The following HSPG2 variants were observed in gnomAD, a reference collection of about 807,000 sequenced individuals.
HSPG2 encodes basement membrane-specific heparan sulfate proteoglycan core protein.
A neutral mutation model predicts 526.6 loss-of-function variants in HSPG2; 278 were observed. That is an observed-to-expected ratio of 0.53 (90% confidence interval 0.48 to 0.58). HSPG2 has a LOEUF of 0.58. Among genes scored for constraint, HSPG2 ranks in the 20% least tolerant of loss-of-function variants. The probability of loss-of-function intolerance (pLI) is 0.00; values close to 1 mark genes in which losing one functional copy is unlikely to be tolerated. For synonymous variants in HSPG2, 2,465 were observed against 2,555.4 expected (o/e 0.96, Z 1.07); for missense variants, 5,354 against 6,099.5 (o/e 0.88, Z 4.07).
chr1:21,832,775 C>T, intron 80 of HSPG2, 169 bp from the exon 81 acceptor site: 4 of 619,658 alleles, frequency 6.5e-6, no homozygotes, highest in Non-Finnish European at 1.2e-5. Context: ...GGCTGGTGCC[C>T]CAAACGCAAG....
chr1:21,937,207 C>T lies in HSPG2; in HGVS notation c.11G>A (p.Arg4Gln). Residue 4 changes from arginine to glutamine, a missense_variant, in exon 1 of 97, where the codon CGG (arginine) becomes CAG (glutamine). By Grantham distance (43) the Arg-to-Gln change is conservative. Transcript: ENST00000374695. Reference protein sequence around the residue: MGWRAAGALLLALL... With the variant: MGWQAAGALLLALL... ...CGCCAGCAGCAGCGCGCCCGCCGCC[C>T]GCCACCCCATGGCCCGGCCCGCGCC... 1 of 1,074,360 alleles carries T rather than the reference C, an allele frequency of 9.3e-7. No homozygotes were observed. Among genetic ancestry groups the T allele is most frequent in the Non-Finnish European group, 1.1e-6 (1 of 878,024 alleles). The allele number at this position is 1,074,360 out of a possible 1,614,324, so 66.6% of individuals were successfully genotyped here.
In HSPG2 at chr1:21,857,184, A is replaced by G. The variant is rs758554913; in HGVS notation, c.5406T>C (p.Tyr1802=). The part of the protein sequence containing the change: ...ICTAKSKSPA[Y]TLVWTRLHNG... Reference sequence around the variant, plus strand: ...TGTGCAGGCGGGTCCACACCAGGGTATAGGCTGGGGACTGCAGGGCAAGGC... The same window carrying G: ...TGTGCAGGCGGGTCCACACCAGGGTGTAGGCTGGGGACTGCAGGGCAAGGC... The change falls in exon 44 of 97, where the codon TAT becomes TAC. Residue 1802 remains tyrosine (Y), a synonymous_variant. Coordinates refer to ENST00000374695, the MANE Select transcript of HSPG2 (RefSeq NM_005529.7). The G allele has an allele frequency of 3.1e-6, 5 of 1,613,960 alleles. No homozygotes were observed. The highest frequency in any genetic ancestry group is 1.3e-5 in the African/African-American group (1 of 74,874).
intron 6 of HSPG2, 115 bp from the exon 7 acceptor site, chr1:21,888,181 T>C: frequency 7.1e-7 from 1 of 1,414,596 alleles, no homozygotes; most frequent in Non-Finnish European, 9.8e-7. Context: ...GCAGCTCGGT[T>C]TCTGGCAGGC....
rs143888495 is a variant in HSPG2, at chr1:21,843,387, C to T, written c.8668G>A (p.Glu2890Lys). The change falls in exon 66 of 97, where the codon GAG becomes AAG. Residue 2890 changes from glutamate (E) to lysine (K), a missense_variant. Coordinates refer to ENST00000374695, the MANE Select transcript of HSPG2 (RefSeq NM_005529.7). ...CTTCCGGTCACTTGGCACGAGTACTCGCCAGAGTCAGCCGGGGACACCTGG... is the reference window on the plus strand; with the variant it reads ...CTTCCGGTCACTTGGCACGAGTACTTGCCAGAGTCAGCCGGGGACACCTGG... ...LNQVSPADSG[E>K]YSCQVTGSSG... 1.2e-5 allele frequency: 20 copies of T among 1,613,888 alleles called. No individual in the cohort carries two copies. Among genetic ancestry groups the T allele is most frequent in the Admixed American group, 1.7e-5 (1 of 59,978 alleles).
chr1:21,829,500 G>C lies in HSPG2; in HGVS notation c.11875C>G (p.Pro3959Ala). 6.2e-7 allele frequency: 1 copy of C among 1,613,234 alleles called. No homozygotes were observed. Among genetic ancestry groups the C allele is most frequent in the Non-Finnish European group, 8.5e-7 (1 of 1,179,846 alleles). The stretch of plus-strand genomic sequence containing the variant: ...AGCAGGACCCCGTCAGGGGCGAGTG[G>C]CTTGAACTCCACGTCCAGGCGTAGC... The part of the protein sequence containing the change: ...HELRLDVEFK[P>A]LAPDGVLLFS... The change falls in exon 87 of 97, where the codon CCA becomes GCA. Residue 3959 changes from proline (P) to alanine (A), a missense_variant. Pro to Ala is a conservative substitution (Grantham distance 27). Transcript: ENST00000374695.
chr1:21,849,448 TGGGTACACAC>T (rs1638713358), intron 57 of HSPG2, among the ~76,000 whole-genome samples: 1 of 152,194 alleles, frequency 6.6e-6, no homozygotes, highest in Non-Finnish European at 1.5e-5. Context: ...CCCAGTGAGC[TGGGTACACAC>T]TCACACCACA....
chr1:21,860,771 C>T (rs1639727167), intron 39 of HSPG2, among the ~76,000 whole-genome samples: 1 of 152,206 alleles, frequency 6.6e-6, no homozygotes, highest in Non-Finnish European at 1.5e-5. Context: ...AGGCATGAGC[C>T]ACCACGCCTG....
intron 1 of HSPG2, among the ~76,000 whole-genome samples, chr1:21,897,590 C>T (rs543289013): frequency 3.3e-5 from 5 of 152,194 alleles, no homozygotes; most frequent in Non-Finnish European, 7.3e-5. Context: ...CCTCCACCTA[C>T]TCAGGAATAA....
chr1:21,824,862 C>T lies in HSPG2; in HGVS notation c.12590-83G>A, dbSNP rs185369398. The T allele has an allele frequency of 1.7e-5, 22 of 1,269,536 alleles. No homozygotes were observed. Among genetic ancestry groups the T allele is most frequent in the Admixed American group, 1.4e-4 (7 of 50,964 alleles). The allele number at this position is 1,269,536 out of a possible 1,614,324, so 78.6% of individuals were successfully genotyped here. On this transcript the variant is annotated intron_variant, in intron 91 of 96. Coordinates refer to ENST00000374695, the MANE Select transcript of HSPG2 (RefSeq NM_005529.7). The surrounding 1 kb of genome is among the most constrained non-coding windows in gnomAD (Gnocchi z 5.9). ...TCAGTTCCCCTGACCCCCACCTCCA[C>T]GCCAACATGCAGGACTAGGGGGCTC...
chr1:21,905,167 CCACCCACACA>C lies in HSPG2; in HGVS notation c.64-8867_64-8858del, dbSNP rs1403485214. The stretch of plus-strand genomic sequence containing the variant: ...ATCTGTCTACACACACACCCACCAC[CCACCCACACA>C]CACACACACACACACACACACACAC... On this transcript the variant is annotated intron_variant, in intron 1 of 96. Coordinates refer to ENST00000374695, the MANE Select transcript of HSPG2 (RefSeq NM_005529.7). 1.6e-3 allele frequency among the ~76,000 whole-genome samples: 198 copies of C among 120,760 alleles called. 2 individuals carry two copies. The East Asian group carries it at 0.017, about 10-fold the overall frequency. The allele number at this position is 120,760 out of a possible 152,430, so 79.2% of individuals were successfully genotyped here.
intron 69 of HSPG2, 109 bp from the exon 70 acceptor site, chr1:21,841,782 G>C: frequency 6.9e-7 from 1 of 1,444,684 alleles, no homozygotes; most frequent in Non-Finnish European, 9.6e-7. Context: ...CTCCGGCCTG[G>C]GTGTGTCTAG....
Position 21,880,474 on chromosome 1 carries a change from T to G in HSPG2, c.2084A>C (p.Gln695Pro), listed in dbSNP as rs751969974. The change falls in exon 16 of 97, where the codon CAG becomes CCG. Residue 695 changes from glutamine to proline, a missense_variant. Gln to Pro is a moderately conservative substitution (Grantham distance 76, BLOSUM62 -1). Transcript: ENST00000374695. Reference protein sequence around the residue: ...VLQSLEAVLIQTVYNTKMASV... With the variant: ...VLQSLEAVLIPTVYNTKMASV... ...GGCCATCTTGGTGTTGTACACGGTC[T>G]GGATGAGCACGGCCTCCAGGCTCTG... 1 of 1,613,856 alleles carries G rather than the reference T, an allele frequency of 6.2e-7. No individual in the cohort carries two copies. Among genetic ancestry groups the G allele is most frequent in the Non-Finnish European group, 8.5e-7 (1 of 1,179,962 alleles).
At chr1:21,881,064 C>A (rs894296064) in intron 14 of HSPG2, among the ~76,000 whole-genome samples, 3 of 152,128 alleles carry the variant, frequency 2.0e-5, no homozygotes, top group African/African-American at 7.2e-5. Flanking sequence ...CACAGGGTAC[C>A]CAGGGAAGCC....
Position 21,822,298 on chromosome 1 carries a change from T to G in HSPG2, c.*1018A>C, listed in dbSNP as rs529474269. ...AATCAAGACAAAGACCACAGGAGGG[T>G]CCCTTCTAGGACACAGAGGCCAGGC... On this transcript the variant is annotated 3_prime_UTR_variant, in exon 97 of 97. Transcript: ENST00000374695. 1,135 of 1,448,002 alleles carry G rather than the reference T, an allele frequency of 7.8e-4. 12 individuals carry two copies. In the South Asian group the frequency reaches 0.01, roughly 13 times the overall value. 89.7% of individuals were successfully genotyped at this position (1,448,002 alleles called of 1,614,324 possible).
Position 21,824,002 on chromosome 1 carries a change from C to A in HSPG2, c.12899+119G>T. Reference sequence around the variant, plus strand: ...CCTGGCTGGTGGGTTCTCCCCTCCCCTGGCTTCAAGTTCTGTCTCCACAGA... The same window carrying A: ...CCTGGCTGGTGGGTTCTCCCCTCCCATGGCTTCAAGTTCTGTCTCCACAGA... On this transcript the variant is annotated intron_variant, in intron 95 of 96. Transcript: ENST00000374695. This position sits in a 1 kb window ranked among gnomAD's most constrained non-coding sequence, Gnocchi z 5.9. The A allele has an allele frequency of 9.4e-7, 1 of 1,062,106 alleles. No homozygotes were observed. The highest frequency in any genetic ancestry group is 1.3e-5 in the South Asian group (1 of 74,196). The allele number at this position is 1,062,106 out of a possible 1,614,324, so 65.8% of individuals were successfully genotyped here. A position where few individuals can be genotyped will look rare whatever the true frequency, so the allele number is the denominator to read the frequency against.
At chr1:21,932,927 G>A (rs1644382224) in intron 1 of HSPG2, among the ~76,000 whole-genome samples, 2 of 152,114 alleles carry the variant, frequency 1.3e-5, no homozygotes, top group South Asian at 4.1e-4. Context: ...ATATTCATTA[G>A]AAAAGAAAAG....
rs989994 is a variant in HSPG2 at position 21,880,156 on chromosome 1, T to G, written c.2294A>C (p.Asn765Thr). ...GPYLGTCSGC[N>T]CNGHASSCDP... is the part of the protein sequence containing the mutation. ...ACAGGAGCTGGCATGGCCATTGCAA[T>G]TGCAACCAGAGCAGGTGCCCAGGTA... The change falls in exon 17 of 97, where the codon AAT becomes ACT. Residue 765 changes from asparagine to threonine, a missense_variant. Asn to Thr is a moderately conservative substitution (Grantham distance 65). Coordinates refer to ENST00000374695, the MANE Select transcript of HSPG2 (RefSeq NM_005529.7). The G allele has an allele frequency of 2.5e-6, 4 of 1,614,166 alleles. No individual in the cohort carries two copies. In the South Asian group the frequency reaches 3.3e-5, roughly 13 times the overall value.
chr1:21,825,021 T>C, intron 91 of HSPG2: 2 of 556,986 alleles, frequency 3.6e-6, no homozygotes, highest in Admixed American at 3.0e-5. Flanking sequence ...CAATGAGATG[T>C]AGGCAAGAAA....
intron 13 of HSPG2, among the ~76,000 whole-genome samples, chr1:21,884,050 G>GA (rs1557780176): frequency 6.6e-6 from 1 of 152,346 alleles, no homozygotes; most frequent in East Asian, 1.9e-4. Context: ...CTGTCTCTCA[G>GA]AATGAGGACA....
Sources: gnomAD v4.1 joint callset for allele counts (sites outside exome capture counted in the v4.1 genomes callset) on GRCh38, gnomAD v4.1.1 for gene constraint, Gnocchi (gnomAD v3.1) non-coding constraint, MANE v1.5 for transcripts, NCBI Gene and HGNC (gene_info 2026-07-23, HGNC 2026-07-21) for gene names.